The following IMMP2L variants were observed in gnomAD, a reference collection of about 807,000 sequenced individuals.
IMMP2L encodes the protein mitochondrial inner membrane protease subunit 2.
Under a neutral mutation model 19.3 loss-of-function variants are expected in IMMP2L, and 18 were observed. The observed-to-expected ratio is 0.93, with a 90% CI of 0.64 to 1.38. The LOEUF (loss-of-function observed/expected upper bound fraction) is 1.38. Among genes scored for constraint, IMMP2L ranks in the 40% most tolerant of loss-of-function variants. The pLI is 0.00. For synonymous variants in IMMP2L, 76 were observed against 73.0 expected (o/e 1.04, Z -0.21); for missense variants, 233 against 218.2 (o/e 1.07, Z -0.43).
Position 111,129,607 on chromosome 7 carries a change from G to A in IMMP2L, c.240-166042C>T, listed in dbSNP as rs562675919. Among the ~76,000 whole-genome samples the A allele has an allele frequency of 3.9e-5, 6 of 152,088 alleles. No homozygotes were observed. The East Asian group carries it at 1.2e-3, about 29-fold the overall frequency. On this transcript the variant is annotated intron_variant, in intron 3 of 5. Transcript: ENST00000405709. Reference sequence around the variant, plus strand: ...CATTGCTAACTAGGTCGTTGCTTGGGAGAACTACAGCGTTGTACTGGAATG... The same window carrying A: ...CATTGCTAACTAGGTCGTTGCTTGGAAGAACTACAGCGTTGTACTGGAATG...
chr7:111,071,190 T>C (rs533293642), intron 3 of IMMP2L, among the ~76,000 whole-genome samples: 1 of 152,074 alleles, frequency 6.6e-6, no homozygotes, highest in African/African-American at 2.4e-5. Context: ...CACACTAAAA[T>C]TATAAGAATT....
chr7:111,450,764 G>C (rs569750943), intron 3 of IMMP2L, among the ~76,000 whole-genome samples: 7 of 151,316 alleles, frequency 4.6e-5, no homozygotes, highest in Admixed American at 1.3e-4. Flanking sequence ...CCATCAGACT[G>C]AACAGGCAAC....
chr7:111,268,588 T>C lies in IMMP2L; in HGVS notation c.239+218650A>G, dbSNP rs1289662174. On this transcript the variant is annotated intron_variant, in intron 3 of 5. Coordinates refer to ENST00000405709, the MANE Select transcript of IMMP2L (RefSeq NM_032549.4). The stretch of plus-strand genomic sequence containing the variant: ...ATTTCTCTTTTTTTTTTTTTTTTTT[T>C]TTTTTTTTTTTTTTTTTTTTTTGAG... Among the ~76,000 whole-genome samples, 239 of 84,742 alleles carry C rather than the reference T, an allele frequency of 2.8e-3. 7 individuals are homozygous for C. Among genetic ancestry groups the C allele is most frequent in the African/African-American group, 0.01 (231 of 22,944 alleles). 55.6% of individuals were successfully genotyped at this position (84,742 alleles called of 152,430 possible).
At chr7:111,050,278 A>G (rs1189117251) in intron 3 of IMMP2L, among the ~76,000 whole-genome samples, 1 of 152,214 alleles carries the variant, frequency 6.6e-6, no homozygotes, top group African/African-American at 2.4e-5. Flanking sequence ...TTTTGAAGCC[A>G]AATTCACCAT....
Position 110,785,477 on chromosome 7 carries a change from T to C in IMMP2L, c.408+101116A>G, listed in dbSNP as rs75809525. Among the ~76,000 whole-genome samples, 1,402 of 152,036 alleles carry C rather than the reference T, an allele frequency of 9.2e-3. 12 individuals carry two copies. The highest frequency in any genetic ancestry group is 0.02 in the Middle Eastern group (6 of 294). ...TTTTCAGTATTAGGACTATATACAA[T>C]GAGCTTGGAGAGCAAAAATAAATCC... On this transcript the variant is annotated intron_variant, in intron 5 of 5. Transcript: ENST00000405709.
chr7:110,914,147 A>C (rs1470335054), intron 4 of IMMP2L, among the ~76,000 whole-genome samples: 2 of 152,114 alleles, frequency 1.3e-5, no homozygotes, highest in Non-Finnish European at 2.9e-5. Flanking sequence ...CATTGCTTTG[A>C]CTGTGCTTTG....
intron 3 of IMMP2L, among the ~76,000 whole-genome samples, chr7:111,033,919 A>G (rs1791080902): frequency 6.6e-6 from 1 of 152,216 alleles, no homozygotes; most frequent in Admixed American, 6.5e-5. Flanking sequence ...AACATTGCTC[A>G]GCTATAAAAT....
At chr7:111,346,356 A>C (rs1827561306) in intron 3 of IMMP2L, among the ~76,000 whole-genome samples, 1 of 152,174 alleles carries the variant, frequency 6.6e-6, no homozygotes, top group Non-Finnish European at 1.5e-5. Flanking sequence ...TAAGCAGAGC[A>C]GAGGAGAGAA....
intron 3 of IMMP2L, among the ~76,000 whole-genome samples, chr7:111,237,432 T>C (rs1260343736): frequency 5.3e-5 from 8 of 152,080 alleles, no homozygotes; most frequent in African/African-American, 1.9e-4. Context: ...TAAATAAGAA[T>C]GATTTTATAA....
chr7:110,683,447 G>T (rs1792878333), intron 5 of IMMP2L, among the ~76,000 whole-genome samples: 2 of 151,946 alleles, frequency 1.3e-5, no homozygotes, highest in Admixed American at 1.3e-4. Context: ...TACCAAAAGT[G>T]GCTAATATGT....
chr7:110,842,724 C>T (rs940631822), intron 5 of IMMP2L, among the ~76,000 whole-genome samples: 5 of 152,104 alleles, frequency 3.3e-5, no homozygotes, highest in African/African-American at 7.2e-5. Context: ...TAGGCTGTTC[C>T]CCTAAATTAC....
At chr7:111,126,169 T>C (rs1801290033) in intron 3 of IMMP2L, among the ~76,000 whole-genome samples, 1 of 152,114 alleles carries the variant, frequency 6.6e-6, no homozygotes, top group Non-Finnish European at 1.5e-5. Context: ...CATTATGACT[T>C]ATGCTCTAGG....
At chr7:111,233,065 A>G (rs886411902) in intron 3 of IMMP2L, among the ~76,000 whole-genome samples, 1 of 152,116 alleles carries the variant, frequency 6.6e-6, no homozygotes, top group Non-Finnish European at 1.5e-5. Context: ...GAATTCCTCC[A>G]TATTCCCAGT....
Position 110,757,252 on chromosome 7 carries a change from T to C in IMMP2L, c.409-93531A>G, listed in dbSNP as rs1798089241. ...ACGGGTGTGCAATCTGGGGAGTCAC[T>C]GAGGGAACCACATCCAGAAGGGCTT... On this transcript the variant is annotated intron_variant, in intron 5 of 5. Coordinates refer to ENST00000405709, the MANE Select transcript of IMMP2L (RefSeq NM_032549.4). This position sits in a 1 kb window ranked among gnomAD's most constrained non-coding sequence, Gnocchi z 4.2. Among the ~76,000 whole-genome samples the C allele has an allele frequency of 6.6e-6, 1 of 152,048 alleles. No individual in the cohort carries two copies. The highest frequency in any genetic ancestry group is 2.1e-4 in the South Asian group (1 of 4,822).
chr7:110,714,474 G>A (rs929612143), intron 5 of IMMP2L, among the ~76,000 whole-genome samples: 2 of 152,142 alleles, frequency 1.3e-5, no homozygotes, highest in African/African-American at 4.8e-5. Context: ...ATGAGTTAGG[G>A]AAGAATTCCT....
rs373394888 is a variant in IMMP2L, at chr7:110,883,844, A to G, written c.408+2749T>C. On this transcript the variant is annotated intron_variant, in intron 5 of 5. Coordinates refer to ENST00000405709, the MANE Select transcript of IMMP2L (RefSeq NM_032549.4). ...AGTGAAAGTATCTCAGTTGCTCTCA[A>G]TTTAAAGCTAGATAAAAATGATAGA... Among the ~76,000 whole-genome samples the G allele has an allele frequency of 1.4e-4, 21 of 152,164 alleles. No individual in the cohort carries two copies. The South Asian group carries it at 4.3e-3, about 32-fold the overall frequency.
At chr7:110,829,839 G>A (rs1322957450) in intron 5 of IMMP2L, among the ~76,000 whole-genome samples, 3 of 152,116 alleles carry the variant, frequency 2.0e-5, no homozygotes, top group Admixed American at 2.0e-4. Flanking sequence ...GAAGAAATGT[G>A]TTTTTGTTAA....
chr7:111,433,286 G>A (rs1172505989), intron 3 of IMMP2L, among the ~76,000 whole-genome samples: 1 of 151,806 alleles, frequency 6.6e-6, no homozygotes, highest in Non-Finnish European at 1.5e-5. Context: ...TTTTCACACT[G>A]CTGATAAAGA....
At chr7:110,685,942 T>C (rs1364633382) in intron 5 of IMMP2L, among the ~76,000 whole-genome samples, 1 of 152,060 alleles carries the variant, frequency 6.6e-6, no homozygotes, top group Non-Finnish European at 1.5e-5. Context: ...AAATGAGCAA[T>C]ATTTTCTTGG....
Sources: gnomAD v4.1 joint callset for allele counts (sites outside exome capture counted in the v4.1 genomes callset) on GRCh38, gnomAD v4.1.1 for gene constraint, Gnocchi (gnomAD v3.1) non-coding constraint, MANE v1.5 for transcripts, NCBI Gene and HGNC (gene_info 2026-07-23, HGNC 2026-07-21) for gene names.